RAB27A: variants seen among roughly 807,000 people sequenced by gnomAD.
RAB27A encodes ras-related protein Rab-27A.
Under a neutral mutation model 20.8 loss-of-function variants are expected in RAB27A, and 17 were observed. The ratio of observed to expected loss-of-function variants is 0.82; its 90% CI spans 0.56 to 1.23. The LOEUF is 1.23. RAB27A is among the 50% of genes most tolerant of loss of function. The probability of loss-of-function intolerance (pLI) is 0.00; values close to 1 mark genes in which losing one functional copy is unlikely to be tolerated. For synonymous variants in RAB27A, 85 were observed against 92.8 expected, an observed-to-expected ratio of 0.92 and a Z score of 0.48; for missense variants, 277 against 266.7, an observed-to-expected ratio of 1.04 and a Z score of -0.27.
At chr15:55,209,039 T>G (rs1894790037) in intron 6 of RAB27A, among the ~76,000 whole-genome samples, 1 of 152,214 alleles carries the variant, frequency 6.6e-6, no homozygotes, top group Non-Finnish European at 1.5e-5. Context: ...ATAATATAGT[T>G]TCAGAGTAAA....
intron 2 of RAB27A, among the ~76,000 whole-genome samples, chr15:55,300,793 G>C (rs2054968643): frequency 6.6e-6 from 1 of 152,180 alleles, no homozygotes. Context: ...GCTGATGTCA[G>C]TCTCTACAAT....
At chr15:55,303,199 C>T (rs2054981487) in intron 2 of RAB27A, among the ~76,000 whole-genome samples, 1 of 98,126 alleles carries the variant, frequency 1.0e-5, no homozygotes, top group Non-Finnish European at 1.9e-5. Context: ...TGCCCGGCCG[C>T]CCCTACTGGG....
chr15:55,251,911 G>A (rs923138456), intron 2 of RAB27A, among the ~76,000 whole-genome samples: 9 of 152,110 alleles, frequency 5.9e-5, no homozygotes, highest in African/African-American at 2.2e-4. Context: ...TCCAGGGAAG[G>A]AGAAAGCGGC....
intron 6 of RAB27A, among the ~76,000 whole-genome samples, chr15:55,214,206 G>A (rs890097474): frequency 2.0e-5 from 3 of 152,202 alleles, no homozygotes; most frequent in African/African-American, 7.2e-5. Flanking sequence ...GGAGGCCAAG[G>A]CGGGCGGATC....
At chr15:55,214,648 C>T (rs748888521) in intron 6 of RAB27A, among the ~76,000 whole-genome samples, 9 of 152,182 alleles carry the variant, frequency 5.9e-5, no homozygotes, top group Non-Finnish European at 1.3e-4. Context: ...TTTTAAACCT[C>T]CTGCTTGCCT....
chr15:55,319,025 G>T, exon 1 of RAB27A: 1 of 530,540 alleles, frequency 1.9e-6, no homozygotes, highest in East Asian at 3.3e-5. Flanking sequence ...TCGGACCCCC[G>T]AGCACAGAGA....
chr15:55,266,654 A>C (rs1037738267), intron 2 of RAB27A, among the ~76,000 whole-genome samples: 4 of 152,238 alleles, frequency 2.6e-5, no homozygotes, highest in Non-Finnish European at 5.9e-5. Flanking sequence ...TTAAAGCACT[A>C]ACTCATTTAG....
In RAB27A at chr15:55,310,381, G is replaced by A. The variant is rs761145892; in HGVS notation, c.-112+3658C>T. Among the ~76,000 whole-genome samples the A allele has an allele frequency of 6.6e-5, 10 of 152,266 alleles. No homozygotes were observed. In the South Asian group the frequency reaches 2.1e-3, roughly 32 times the overall value. On this transcript the variant is annotated intron_variant, in intron 2 of 5. Transcript: ENST00000563262. ...TGGCATGGGCTGGCACTTGCCCCGG[G>A]CACCCTCAGTCCTGCTGCTGGATCA...
chr15:55,282,035 C>T (rs376616625), intron 1 of RAB27A, among the ~76,000 whole-genome samples: 28 of 152,242 alleles, frequency 1.8e-4, no homozygotes, highest in African/African-American at 6.3e-4. Flanking sequence ...CTTTAACCAG[C>T]AGCTGGCACA....
chr15:55,217,592 G>C (rs1895367087), intron 6 of RAB27A, among the ~76,000 whole-genome samples: 1 of 145,786 alleles, frequency 6.9e-6, no homozygotes, highest in East Asian at 2.0e-4. Flanking sequence ...TTGAACCTGG[G>C]AGGCAGAGGT....
At chr15:55,307,850 T>G (rs1027693992) in intron 2 of RAB27A, among the ~76,000 whole-genome samples, 11 of 151,654 alleles carry the variant, frequency 7.3e-5, no homozygotes, top group Non-Finnish European at 1.5e-4. Flanking sequence ...ATCTGCTTGA[T>G]AGTTTTGAAA....
At chr15:55,245,120 C>T (rs760557127) in intron 2 of RAB27A, among the ~76,000 whole-genome samples, 3 of 152,084 alleles carry the variant, frequency 2.0e-5, no homozygotes, top group Non-Finnish European at 4.4e-5. Context: ...GAGCCCTGGC[C>T]ACAACTCTCA....
chr15:55,302,231 C>G (rs1359943006), intron 2 of RAB27A, among the ~76,000 whole-genome samples: 4 of 151,986 alleles, frequency 2.6e-5, no homozygotes, highest in Admixed American at 2.6e-4. Context: ...ACAACAACAC[C>G]CGCCGCCACG....
chr15:55,295,156 C>T (rs1362102602), intron 2 of RAB27A, among the ~76,000 whole-genome samples: 1 of 151,606 alleles, frequency 6.6e-6, no homozygotes, highest in African/African-American at 2.4e-5. Flanking sequence ...ACTTCAAACT[C>T]ACTAGGTTGG....
intron 1 of RAB27A, among the ~76,000 whole-genome samples, chr15:55,278,742 A>G (rs1051050706): frequency 6.6e-6 from 1 of 152,148 alleles, no homozygotes. Flanking sequence ...TCAGCCTCCC[A>G]AAGTGCTGGG....
exon 1 of RAB27A, chr15:55,319,082 A>G: frequency 1.3e-6 from 1 of 789,566 alleles, no homozygotes; most frequent in Non-Finnish European, 1.9e-6. Flanking sequence ...GGAAACGGCG[A>G]AAGGAAACCG....
chr15:55,235,540 C>A (rs1165967997), intron 2 of RAB27A, among the ~76,000 whole-genome samples: 3 of 151,914 alleles, frequency 2.0e-5, no homozygotes, highest in Non-Finnish European at 4.4e-5. Context: ...GAATGATAAT[C>A]AACAAGAAGG....
At chr15:55,226,601 G>A (rs978151259) in intron 5 of RAB27A, among the ~76,000 whole-genome samples, 1 of 152,066 alleles carries the variant, frequency 6.6e-6, no homozygotes, top group Non-Finnish European at 1.5e-5. Context: ...CGGGCACTGT[G>A]GCTCACGCCT....
At chr15:55,210,105 T>C (rs1421312498) in intron 6 of RAB27A, among the ~76,000 whole-genome samples, 2 of 145,992 alleles carry the variant, frequency 1.4e-5, no homozygotes, top group African/African-American at 5.1e-5. Flanking sequence ...TGTGTATATA[T>C]ACACACATAC....
Sources: gnomAD v4.1 joint callset for allele counts (sites outside exome capture counted in the v4.1 genomes callset) on GRCh38, gnomAD v4.1.1 for gene constraint, MANE v1.5 for transcripts, NCBI Gene and HGNC (gene_info 2026-07-23, HGNC 2026-07-21) for gene names.